Variants in AMPD3 observed in about 807,000 individuals in gnomAD.
AMPD3 encodes adenosine monophosphate deaminase 3, also known as AMP deaminase 3.
A neutral mutation model predicts 82.3 loss-of-function variants in AMPD3; 57 were observed. That is an observed-to-expected ratio of 0.69 (90% CI 0.56 to 0.86). AMPD3 has a LOEUF of 0.86. Ranked by LOEUF, AMPD3 falls within the 40% of genes least tolerant of loss-of-function variation. AMPD3 has a pLI of 0.00. For missense variants in AMPD3, 870 were observed against 1,003.8 expected (o/e 0.87, Z 1.80); for synonymous variants, 381 against 394.7 (o/e 0.97, Z 0.41).
Position 10,487,263 on chromosome 11 carries a change from T to C in AMPD3, c.838T>C (p.Phe280Leu). ...AACCTATTGTCACCGGCGACTGAACTTTCTGGAATCCAAGTTCAGCCTTCA... is the reference window on the plus strand; with the variant it reads ...AACCTATTGTCACCGGCGACTGAACCTTCTGGAATCCAAGTTCAGCCTTCA... ...TKTYCHRRLNFLESKFSLHEM... is the reference protein window; with the variant it reads ...TKTYCHRRLNLLESKFSLHEM... Residue 280 changes from phenylalanine to leucine, a missense_variant, in exon 6 of 15, where the codon TTT becomes CTT. Coordinates refer to ENST00000396553, the MANE Select transcript of AMPD3 (RefSeq NM_001025389.2). 6.2e-7 allele frequency: 1 copy of C among 1,614,150 alleles called. No individual in the cohort carries two copies. The highest frequency in any genetic ancestry group is 8.5e-7 in the Non-Finnish European group (1 of 1,180,010).
intron 3 of AMPD3, 81 bp downstream of exon 3, chr11:10,478,811 C>CT: frequency 7.0e-7 from 1 of 1,438,690 alleles, no homozygotes; most frequent in South Asian, 1.2e-5. Flanking sequence ...GTGCCTCCCT[C>CT]TGGAGCCTGG....
chr11:10,463,803 C>T (rs1028390188), intron 2 of AMPD3, among the ~76,000 whole-genome samples: 1 of 152,202 alleles, frequency 6.6e-6, no homozygotes, highest in Non-Finnish European at 1.5e-5. Context: ...TCTGTCCTTG[C>T]CTAGGTTATG....
chr11:10,451,069 T>A (rs1477895224), upstream of AMPD3: 10 of 1,567,570 alleles, frequency 6.4e-6, no homozygotes, highest in South Asian at 1.0e-4. Flanking sequence ...GCTGCGCTGC[T>A]GACCTTGGGC....
intron 7 of AMPD3, 74 bp downstream of exon 7, chr11:10,493,617 C>T (rs770168193): frequency 6.5e-7 from 1 of 1,536,480 alleles, no homozygotes; most frequent in Non-Finnish European, 8.9e-7. Flanking sequence ...TGGAAAGCCA[C>T]CATGATTGTG....
chr11:10,474,876 G>A (rs1018656535), intron 2 of AMPD3, among the ~76,000 whole-genome samples: 10 of 152,262 alleles, frequency 6.6e-5, no homozygotes, highest in African/African-American at 2.4e-4. Context: ...CGCCCCAGGG[G>A]CTAGTGCAAG....
At chr11:10,473,936 A>G (rs1334128501) in intron 2 of AMPD3, among the ~76,000 whole-genome samples, 1 of 152,176 alleles carries the variant, frequency 6.6e-6, no homozygotes, top group Non-Finnish European at 1.5e-5. Context: ...TTTTAGCGTA[A>G]CAATTCTCAT....
intron 6 of AMPD3, chr11:10,488,380 A>T: frequency 1.0e-6 from 1 of 985,404 alleles, no homozygotes; most frequent in Non-Finnish European, 1.2e-6. Flanking sequence ...GGAGCTTGCC[A>T]GGCAGAGGGT....
chr11:10,467,402 G>A (rs922258798), intron 2 of AMPD3, among the ~76,000 whole-genome samples: 9 of 151,956 alleles, frequency 5.9e-5, no homozygotes, highest in South Asian at 4.2e-4. Flanking sequence ...TCAATCAAAC[G>A]GAAGAAAGGA....
At chr11:10,501,404 G>A in intron 11 of AMPD3, 66 bp from the exon 12 acceptor site, 3 of 1,595,962 alleles carry the variant, frequency 1.9e-6, no homozygotes, top group Non-Finnish European at 2.6e-6. Context: ...CTGAGCTGTG[G>A]CTGCAGGCCC....
chr11:10,465,699 C>A (rs1217976243), intron 2 of AMPD3, among the ~76,000 whole-genome samples: 1 of 152,212 alleles, frequency 6.6e-6, no homozygotes. Context: ...CTGTGCTTTT[C>A]CCATGGTCCT....
At chr11:10,488,150 G>A in intron 6 of AMPD3, 1 of 949,840 alleles carries the variant, frequency 1.1e-6, no homozygotes, top group Non-Finnish European at 1.3e-6. Context: ...CCTTGTCCGG[G>A]GCTCCTGGCA....
chr11:10,475,809 T>C (rs1021792867), intron 2 of AMPD3, among the ~76,000 whole-genome samples: 93 of 152,228 alleles, frequency 6.1e-4, no homozygotes, highest in African/African-American at 2.1e-3. Context: ...GTGAGGTCAA[T>C]AGGAGTTGAG....
At position 10,455,309 on chromosome 11, in the gene AMPD3, T is replaced by C; in HGVS notation, c.-145T>C. 1.0e-6 allele frequency: 1 copy of C among 985,504 alleles called. No homozygotes were observed. The allele number at this position is 985,504 out of a possible 1,614,324, so 61.0% of individuals were successfully genotyped here. A position where few individuals can be genotyped will look rare whatever the true frequency, so the allele number is the denominator to read the frequency against. On this transcript the variant is annotated 5_prime_UTR_variant, in exon 1 of 15. It removes an upstream start codon present in the reference 5' UTR. Transcript: ENST00000396553. ...AAGATCAGAGCTTTGCACCCTGTGATGCCATTTTAATCAACCCTGCTTGGT... is the reference window on the plus strand; with the variant it reads ...AAGATCAGAGCTTTGCACCCTGTGACGCCATTTTAATCAACCCTGCTTGGT...
intron 5 of AMPD3, chr11:10,486,910 G>C (rs1849087062): frequency 1.0e-6 from 1 of 985,284 alleles, no homozygotes; most frequent in African/African-American, 1.7e-5. Flanking sequence ...CTTCAGCCTT[G>C]GGTGTTACCA....
Position 10,504,575 on chromosome 11 carries a change from T to C in AMPD3, c.2043T>C (p.Ile681=). The C allele has an allele frequency of 6.2e-7, 1 of 1,614,210 alleles. No homozygotes were observed. The highest frequency in any genetic ancestry group is 8.5e-7 in the Non-Finnish European group (1 of 1,180,024). ...AAGCACTTATGGAAGAATATGCCAT[T>C]GCAGCTCAAGTGTGGAAGCTGAGCA... The part of the protein sequence containing the change: ...TKEALMEEYA[I]AAQVWKLSTC... Residue 681 remains isoleucine (I), a synonymous_variant, in exon 14 of 15, where the codon ATT becomes ATC. Coordinates refer to ENST00000396553, the MANE Select transcript of AMPD3 (RefSeq NM_001025389.2).
At chr11:10,481,443 C>T (rs1848901578) in intron 3 of AMPD3, 1 of 985,380 alleles carries the variant, frequency 1.0e-6, no homozygotes, top group Non-Finnish European at 1.2e-6. Flanking sequence ...GCATGTGAGG[C>T]CGGCTTCTGG....
rs151198885 is a variant in AMPD3, at chr11:10,484,821, C to T, written c.591C>T (p.Asp197=). Residue 197 remains aspartate, a splice_region_variant and synonymous_variant, in exon 5 of 15, where the codon GAC becomes GAT. Transcript: ENST00000396553. Reference sequence around the variant, plus strand: ...CCATCCCTCAATCCTGTTTTGCAGACTTCCACCCTCCTCCACTGCCCCAGG... The same window carrying T: ...CCATCCCTCAATCCTGTTTTGCAGATTTCCACCCTCCTCCACTGCCCCAGG... ...DTAPPEEGLP[D]FHPPPLPQED... The T allele has an allele frequency of 6.6e-5, 107 of 1,613,786 alleles. No individual in the cohort carries two copies. The highest frequency in any genetic ancestry group is 7.5e-5 in the Non-Finnish European group (89 of 1,180,022).
intron 7 of AMPD3, 112 bp downstream of exon 7, chr11:10,493,655 T>C (rs1849306238): frequency 8.2e-7 from 1 of 1,219,268 alleles, no homozygotes; most frequent in South Asian, 1.3e-5. Flanking sequence ...CGGAAGCAGC[T>C]TTCTCTTCTA....
At position 10,478,679 on chromosome 11, in the gene AMPD3, T is replaced by C; in HGVS notation, c.375T>C (p.Tyr125=). 1.9e-6 allele frequency: 3 copies of C among 1,614,154 alleles called. No individual in the cohort carries two copies. The highest frequency in any genetic ancestry group is 2.5e-6 in the Non-Finnish European group (3 of 1,180,030). Residue 125 remains tyrosine, a synonymous_variant, in exon 3 of 15, where the codon TAT becomes TAC. Coordinates refer to ENST00000396553, the MANE Select transcript of AMPD3 (RefSeq NM_001025389.2). ...CTTCCCTGCCCACGCCAGCACCCTATGCCATGCCTGAGTTCCAGCGGGTCA... is the reference window on the plus strand; with the variant it reads ...CTTCCCTGCCCACGCCAGCACCCTACGCCATGCCTGAGTTCCAGCGGGTCA... ...GATSLPTPAP[Y]AMPEFQRVTI...
Sources: gnomAD v4.1 joint callset for allele counts (sites outside exome capture counted in the v4.1 genomes callset) on GRCh38, gnomAD v4.1.1 for gene constraint, MANE v1.5 for transcripts, NCBI Gene and HGNC (gene_info 2026-07-23, HGNC 2026-07-21) for gene names.